Variants in GPATCH2L observed in about 807,000 individuals in gnomAD.
The protein encoded by GPATCH2L is G patch domain-containing protein 2-like.
GPATCH2L carries 31 observed loss-of-function variants against 57.4 expected under a neutral mutation model. That is an observed-to-expected ratio of 0.54 (90% CI 0.41 to 0.73). The LOEUF is 0.73. Ranked by LOEUF, GPATCH2L falls within the 30% of genes least tolerant of loss-of-function variation. GPATCH2L has a pLI of 0.00. For missense variants in GPATCH2L, 481 were observed against 599.9 expected (o/e 0.80, Z 2.07); for synonymous variants, 199 against 210.7 (o/e 0.94, Z 0.48).
chr14:76,226,289 CTGTA>C (rs1395589879), intron 1 of GPATCH2L, among the ~76,000 whole-genome samples: 1 of 152,328 alleles, frequency 6.6e-6, no homozygotes, highest in South Asian at 2.1e-4. Context: ...GATTAACAAA[CTGTA>C]TGCAGCAACA....
Position 76,202,678 on chromosome 14 carries a change from AT to A in GPATCH2L, c.*829del, listed in dbSNP as rs1330012490. ...GCCTTTATGTCCTAAGCAGGACTTTATTGTTAGTATTATAGGCTAATAACCT... is the reference window on the plus strand; with the variant it reads ...GCCTTTATGTCCTAAGCAGGACTTTATGTTAGTATTATAGGCTAATAACCT... On this transcript the variant is annotated 3_prime_UTR_variant, in exon 10 of 10. Transcript: ENST00000261530. 4 of 152,722 alleles carry A rather than the reference AT, an allele frequency of 2.6e-5. No homozygotes were observed. The East Asian group carries it at 7.7e-4, about 29-fold the overall frequency. The allele number at this position is 152,722 out of a possible 1,614,324, so 9.5% of individuals were successfully genotyped here. A position where few individuals can be genotyped will look rare whatever the true frequency, so the allele number is the denominator to read the frequency against.
chr14:76,233,675 T>C (rs939444147), intron 2 of GPATCH2L, among the ~76,000 whole-genome samples: 3 of 152,258 alleles, frequency 2.0e-5, no homozygotes, highest in African/African-American at 7.2e-5. Flanking sequence ...AGATAAGGAC[T>C]CTTCATTAAA....
intron 1 of GPATCH2L, chr14:76,153,822 C>T (rs2038167182): frequency 6.6e-6 from 1 of 152,220 alleles, no homozygotes; most frequent in African/African-American, 2.4e-5. Context: ...TTTCTTTCTG[C>T]CATGGTCATT....
chr14:76,167,718 T>G (rs1450118504), intron 3 of GPATCH2L, among the ~76,000 whole-genome samples: 1 of 152,192 alleles, frequency 6.6e-6, no homozygotes, highest in Non-Finnish European at 1.5e-5. Context: ...TCTTTTAGAT[T>G]CTGAGGGAAT....
At chr14:76,225,095 A>G (rs559483644) in intron 1 of GPATCH2L, among the ~76,000 whole-genome samples, 3 of 152,208 alleles carry the variant, frequency 2.0e-5, no homozygotes, top group Non-Finnish European at 4.4e-5. Context: ...TCAAAATCAC[A>G]GCAGATTTCT....
chr14:76,182,025 G>A (rs530150204), intron 8 of GPATCH2L, among the ~76,000 whole-genome samples: 5 of 152,312 alleles, frequency 3.3e-5, no homozygotes, highest in Admixed American at 3.3e-4. Flanking sequence ...TGTATGGAAT[G>A]TCTTTTGAAA....
At chr14:76,195,838 T>C (rs1052594551) in intron 8 of GPATCH2L, 40 bp from the exon 9 acceptor site, 1 of 1,448,470 alleles carries the variant, frequency 6.9e-7, no homozygotes, top group African/African-American at 1.4e-5. Context: ...CAATAAGAAT[T>C]AAAAAGTTCA....
chr14:76,234,591 C>T (rs1365068142), intron 2 of GPATCH2L: 1 of 152,238 alleles, frequency 6.6e-6, no homozygotes, highest in Non-Finnish European at 1.5e-5. Flanking sequence ...TCAGCAGTCT[C>T]TAAGAGCTGA....
At chr14:76,166,133 A>G (rs557894338) in intron 2 of GPATCH2L, among the ~76,000 whole-genome samples, 24 of 152,310 alleles carry the variant, frequency 1.6e-4, no homozygotes, top group African/African-American at 5.8e-4. Flanking sequence ...CTTTTTTCAG[A>G]ATGAGTTTTG....
chr14:76,183,494 G>A (rs1469007133), intron 8 of GPATCH2L, among the ~76,000 whole-genome samples: 4 of 151,638 alleles, frequency 2.6e-5, no homozygotes, highest in African/African-American at 9.7e-5. Context: ...AATTTTTTTT[G>A]TTTTAAATTA....
chr14:76,188,658 TTATTCACTTTGTTGA>T (rs1477774279), intron 8 of GPATCH2L, among the ~76,000 whole-genome samples: 2 of 152,066 alleles, frequency 1.3e-5, no homozygotes, highest in African/African-American at 2.4e-5. Context: ...TGCGGGTTGT[TTATTCACTTTGTTGA>T]TTGTTTCCTT....
At chr14:76,181,169 A>T (rs2039546322) in intron 8 of GPATCH2L, among the ~76,000 whole-genome samples, 1 of 152,226 alleles carries the variant, frequency 6.6e-6, no homozygotes, top group South Asian at 2.1e-4. Flanking sequence ...AATACCCTGC[A>T]TAATCTGACT....
At chr14:76,152,474 C>T in intron 1 of GPATCH2L, 2 of 333,846 alleles carry the variant, frequency 6.0e-6, no homozygotes, top group South Asian at 4.6e-5. Flanking sequence ...CCTCTCCCAC[C>T]TCCTACTCCG....
chr14:76,157,945 ATG>A (rs1413011521), intron 2 of GPATCH2L, among the ~76,000 whole-genome samples: 1 of 152,068 alleles, frequency 6.6e-6, no homozygotes, highest in Non-Finnish European at 1.5e-5. Flanking sequence ...TTTTCTGTGT[ATG>A]TGTGTTTGTG....
intron 1 of GPATCH2L, among the ~76,000 whole-genome samples, chr14:76,220,638 A>G (rs921856268): frequency 3.3e-5 from 5 of 152,186 alleles, no homozygotes; most frequent in Admixed American, 6.5e-5. Context: ...CAGAAGAGGT[A>G]TTCTTTCCAA....
chr14:76,201,879 G>A lies in GPATCH2L; in HGVS notation c.*28G>A, dbSNP rs1419120755. 1.3e-6 allele frequency: 2 copies of A among 1,598,240 alleles called. No individual in the cohort carries two copies. The highest frequency in any genetic ancestry group is 2.2e-5 in the South Asian group (2 of 89,544). On this transcript the variant is annotated 3_prime_UTR_variant, in exon 10 of 10. Transcript: ENST00000261530. ...AGCAGGACTTCACCCTCCAGGAGCT[G>A]ACTGGGTGTTGCTGAAGCAAATGTT...
chr14:76,167,446 A>C (rs190566751), intron 3 of GPATCH2L, among the ~76,000 whole-genome samples: 2 of 152,342 alleles, frequency 1.3e-5, no homozygotes, highest in East Asian at 3.9e-4. Flanking sequence ...TCTCACTCCG[A>C]AGTCCAATAA....
chr14:76,226,236 A>T (rs577457267), intron 1 of GPATCH2L, among the ~76,000 whole-genome samples: 3 of 152,376 alleles, frequency 2.0e-5, no homozygotes, highest in Admixed American at 2.0e-4. Context: ...TGAATTCATA[A>T]GTTGTGTTAT....
intron 9 of GPATCH2L, among the ~76,000 whole-genome samples, chr14:76,200,861 C>T (rs1425297146): frequency 2.0e-5 from 3 of 152,084 alleles, no homozygotes; most frequent in Non-Finnish European, 2.9e-5. Flanking sequence ...TAGATTTTGC[C>T]ATATTTTAGT....
Sources: gnomAD v4.1 joint callset for allele counts (sites outside exome capture counted in the v4.1 genomes callset) on GRCh38, gnomAD v4.1.1 for gene constraint, MANE v1.5 for transcripts, NCBI Gene and HGNC (gene_info 2026-07-23, HGNC 2026-07-21) for gene names.